GON4L: variants seen among roughly 807,000 people sequenced by gnomAD.
GON4L encodes GON-4-like protein.
Under a neutral mutation model 211.8 loss-of-function variants are expected in GON4L, and 87 were observed. The observed-to-expected ratio is 0.41, with a 90% CI of 0.35 to 0.49. GON4L has a LOEUF of 0.49. Among genes scored for constraint, GON4L ranks in the 20% least tolerant of loss-of-function variants. GON4L has a pLI of 0.15. For missense variants in GON4L, 2,155 were observed against 2,659.5 expected (o/e 0.81, Z 4.17); for synonymous variants, 875 against 962.6 (o/e 0.91, Z 1.68).
chr1:155,795,089 T>G lies in GON4L; in HGVS notation c.1708A>C (p.Thr570Pro). Residue 570 changes from threonine to proline, a missense_variant, in exon 12 of 32, where the codon ACA (threonine) becomes CCA (proline). Thr to Pro is a conservative substitution (Grantham distance 38, BLOSUM62 -1). Around this residue, in one of 6 missense-constraint regions of GON4L, gnomAD observed 551 missense variants for 854.0 expected, o/e 0.65. Coordinates refer to ENST00000368331, the MANE Select transcript of GON4L (RefSeq NM_001282860.2). The part of the protein sequence containing the change: ...NFLEDLDEPD[T>P]EDFRTDRAVR... ...GCCCGGTCAGTCCGGAAATCCTCTG[T>G]GTCTGGTTCATCGAGGTCTTCCAGG... 1 of 1,609,218 alleles carries G rather than the reference T, an allele frequency of 6.2e-7. No homozygotes were observed. Among genetic ancestry groups the G allele is most frequent in the Non-Finnish European group, 8.5e-7 (1 of 1,175,482 alleles).
intron 2 of GON4L, among the ~76,000 whole-genome samples, chr1:155,827,959 G>A (rs1245460558): frequency 6.6e-6 from 1 of 152,130 alleles, no homozygotes; most frequent in Non-Finnish European, 1.5e-5. Context: ...GGACCAGCCT[G>A]AGCAACATTT....
At chr1:155,846,027 C>T in intron 2 of GON4L, 1 of 206,612 alleles carries the variant, frequency 4.8e-6, no homozygotes, top group South Asian at 9.0e-5. Context: ...GGCAAACTGT[C>T]CACCAACCAC....
At chr1:155,837,556 T>C (rs767313825) in intron 2 of GON4L, among the ~76,000 whole-genome samples, 14 of 152,162 alleles carry the variant, frequency 9.2e-5, no homozygotes, top group Non-Finnish European at 2.1e-4. Context: ...ATATCTGATA[T>C]TGAAGTTGTC....
At chr1:155,858,731 G>A (rs1251621963), upstream of GON4L, among the ~76,000 whole-genome samples, 2 of 137,732 alleles carry the variant, frequency 1.5e-5, no homozygotes, top group Non-Finnish European at 3.1e-5. Context: ...TTTTCAGACG[G>A]AGTCTTGTTC....
intron 3 of GON4L, 152 bp from the exon 4 acceptor site, chr1:155,822,628 C>A: frequency 1.4e-6 from 1 of 689,680 alleles, no homozygotes; most frequent in Non-Finnish European, 2.6e-6. Context: ...GACGGTATAA[C>A]AAGTATAGAA....
intron 11 of GON4L, among the ~76,000 whole-genome samples, chr1:155,795,649 C>CT (rs201572408): frequency 9.5e-4 from 141 of 148,362 alleles, no homozygotes; most frequent in South Asian, 4.7e-3. Context: ...TTTCTTTTTC[C>CT]TTTTTTTTGA....
At chr1:155,820,753 G>A in intron 5 of GON4L, 97 bp from the exon 6 acceptor site, 1 of 879,448 alleles carries the variant, frequency 1.1e-6, no homozygotes, top group South Asian at 1.3e-5. Flanking sequence ...GGCCAAGGTG[G>A]GAGGATGGCT....
intron 14 of GON4L, among the ~76,000 whole-genome samples, chr1:155,778,757 C>A (rs1664093018): frequency 6.6e-6 from 1 of 152,140 alleles, no homozygotes; most frequent in African/African-American, 2.4e-5. Context: ...ACCCTGTGCC[C>A]ATGTGTTCTC....
At chr1:155,755,729 GTC>G (rs1557822658) in intron 27 of GON4L, among the ~76,000 whole-genome samples, 2 of 152,196 alleles carry the variant, frequency 1.3e-5, no homozygotes, top group African/African-American at 4.8e-5. Flanking sequence ...CTTTGTTTCT[GTC>G]TCTCTGTGAC....
At chr1:155,854,936 GAGGCA>G (rs1288942349) in intron 1 of GON4L, among the ~76,000 whole-genome samples, 1 of 151,900 alleles carries the variant, frequency 6.6e-6, no homozygotes, top group Non-Finnish European at 1.5e-5. Flanking sequence ...TCCAGAGGCT[GAGGCA>G]GGACAATCAC....
At position 155,822,461 on chromosome 1, in the gene GON4L, T is replaced by A; in HGVS notation, c.713A>T (p.Glu238Val). Residue 238 changes from glutamate (E) to valine (V), a missense_variant, in exon 4 of 32, where the codon GAA becomes GTA. By Grantham distance (121) the Glu-to-Val change is moderately radical (BLOSUM62 -2). Around this residue, in one of 6 missense-constraint regions of GON4L, gnomAD observed 313 missense variants for 293.2 expected, o/e 1.07. Transcript: ENST00000368331. The stretch of plus-strand genomic sequence containing the variant: ...CTTTTTTCTCCTTTTCTCACTTTCT[T>A]CATTGTCTTGTTCTTCTGCAAATAA... ...LFIPMEEQDNEESEKRRKKKK... is the reference protein window; with the variant it reads ...LFIPMEEQDNVESEKRRKKKK... 1 of 1,613,124 alleles carries A rather than the reference T, an allele frequency of 6.2e-7. No individual in the cohort carries two copies. Among genetic ancestry groups the A allele is most frequent in the Non-Finnish European group, 8.5e-7 (1 of 1,179,436 alleles).
chr1:155,813,055 T>C (rs973399421), intron 10 of GON4L, among the ~76,000 whole-genome samples: 5 of 152,100 alleles, frequency 3.3e-5, no homozygotes, highest in Non-Finnish European at 7.4e-5. Flanking sequence ...AAAAGGTTAA[T>C]TTGGGGGAAT....
chr1:155,749,029 A>G (rs1208897402), downstream of GON4L, among the ~76,000 whole-genome samples: 8 of 152,204 alleles, frequency 5.3e-5, no homozygotes, highest in East Asian at 1.5e-3. Flanking sequence ...TGAGGTGGGC[A>G]GATCACCTGA....
intron 23 of GON4L, among the ~76,000 whole-genome samples, chr1:155,761,171 T>C (rs2101690083): frequency 6.8e-6 from 1 of 147,636 alleles, no homozygotes; most frequent in South Asian, 2.1e-4. Flanking sequence ...TTAGCTTATG[T>C]GTGGTTTTTT....
chr1:155,763,760 TG>T (rs1662095665), intron 21 of GON4L, among the ~76,000 whole-genome samples, 196 bp from the exon 22 acceptor site: 2 of 152,120 alleles, frequency 1.3e-5, no homozygotes, highest in African/African-American at 4.8e-5. Flanking sequence ...CCTGACACTT[TG>T]GGAGGCCGAG....
At chr1:155,815,657 G>A in intron 8 of GON4L, 148 bp downstream of exon 8, 2 of 651,918 alleles carry the variant, frequency 3.1e-6, no homozygotes, top group South Asian at 3.5e-5. Flanking sequence ...AAAATTAAGG[G>A]AGTATAAAGG....
intron 2 of GON4L, among the ~76,000 whole-genome samples, chr1:155,831,236 C>T (rs1050915533): frequency 6.6e-6 from 1 of 151,956 alleles, no homozygotes; most frequent in East Asian, 1.9e-4. Flanking sequence ...GAGGTCAAGG[C>T]AGCAGTGAGC....
In GON4L at chr1:155,801,062, G is replaced by A. The variant is rs73001054; in HGVS notation, c.1645+3887C>T. On this transcript the variant is annotated intron_variant, in intron 11 of 31. Transcript: ENST00000368331. ...GCAACCCACTCGGGTCCCCTACCAC[G>A]TTGTGGAAACTTTGTTCTTTAACTC... is the stretch of plus-strand genomic sequence containing the variant. 6.1e-3 allele frequency among the ~76,000 whole-genome samples: 801 copies of A among 131,720 alleles called. 7 individuals carry two copies. The highest frequency in any genetic ancestry group is 0.022 in the African/African-American group (755 of 34,336). 86.4% of individuals were successfully genotyped at this position (131,720 alleles called of 152,430 possible). A position where few individuals can be genotyped will look rare whatever the true frequency, so the allele number is the denominator to read the frequency against.
intron 5 of GON4L, among the ~76,000 whole-genome samples, chr1:155,820,936 G>A (rs1261781280): frequency 6.6e-6 from 1 of 152,104 alleles, no homozygotes; most frequent in East Asian, 1.9e-4. Context: ...CAGCCTTGGT[G>A]ACAGAGCAAG....
Sources: gnomAD v4.1 joint callset for allele counts (sites outside exome capture counted in the v4.1 genomes callset) on GRCh38, gnomAD v4.1.1 for gene constraint, gnomAD v4.1.1 regional missense constraint, MANE v1.5 for transcripts, NCBI Gene and HGNC (gene_info 2026-07-23, HGNC 2026-07-21) for gene names.